DNAH6: variants seen among roughly 807,000 people sequenced by gnomAD.
The protein encoded by DNAH6 is dynein axonemal heavy chain 6.
DNAH6 carries 340 observed loss-of-function variants against 491.4 expected under a neutral mutation model. The observed-to-expected ratio is 0.69, with a 90% CI of 0.63 to 0.76. DNAH6 has a LOEUF of 0.76. DNAH6 is among the 30% of genes least tolerant of loss of function. DNAH6 has a pLI of 0.00. For missense variants in DNAH6, 4,443 were observed against 4,972.2 expected, an observed-to-expected ratio of 0.89 and a Z score of 3.20; for synonymous variants, 1,603 against 1,686.1, an observed-to-expected ratio of 0.95 and a Z score of 1.21.
intron 2 of DNAH6, among the ~76,000 whole-genome samples, chr2:84,520,748 T>C (rs1055129748): frequency 6.6e-6 from 1 of 152,124 alleles, no homozygotes; most frequent in Non-Finnish European, 1.5e-5. Context: ...GATCTTGTTC[T>C]TTTTTATGGC....
rs1676546871 is a variant in DNAH6 at position 84,525,689 on chromosome 2, C to T, written c.350C>T (p.Thr117Ile). Residue 117 changes from threonine to isoleucine, a missense_variant, in exon 3 of 77, where the codon ACA (threonine) becomes ATA (isoleucine). Thr to Ile is a moderately conservative substitution (Grantham distance 89, BLOSUM62 -1). This residue lies in a region of DNAH6 where 2,977 missense variants were observed against 3,296.6 expected (regional missense o/e 0.90). Coordinates refer to ENST00000389394, the MANE Select transcript of DNAH6 (RefSeq NM_001370.2). ...AGCATAGCAAAAAAAAGTTTTGCCA[C>T]ATCATCTACTCAGTTTCTTGAGCAT... ...PVSIAKKSFA[T>I]SSTQFLEHQD... The T allele has an allele frequency of 1.9e-6, 3 of 1,550,012 alleles. No homozygotes were observed. The highest frequency in any genetic ancestry group is 2.6e-6 in the Non-Finnish European group (3 of 1,146,140).
chr2:84,705,586 A>G lies in DNAH6; in HGVS notation c.8566A>G (p.Lys2856Glu). ...GAACATAAAGCCTCAGATATTGGCA[A>G]AGCTTCAAAAGTATATTAATAATCC... is the stretch of plus-strand genomic sequence containing the variant. The part of the protein sequence containing the change: ...KENIKPQILA[K>E]LQKYINNPDF... Residue 2856 changes from lysine (K) to glutamate (E), a missense_variant, in exon 52 of 77, where the codon AAG (lysine) becomes GAG (glutamate). This residue lies in a region of DNAH6 where 1,463 missense variants were observed against 1,656.6 expected (regional missense o/e 0.88). Coordinates refer to ENST00000389394, the MANE Select transcript of DNAH6 (RefSeq NM_001370.2). The G allele has an allele frequency of 6.4e-7, 1 of 1,551,686 alleles. No individual in the cohort carries two copies.
At chr2:84,513,281 A>G (rs959607589), upstream of DNAH6, among the ~76,000 whole-genome samples, 1 of 151,622 alleles carries the variant, frequency 6.6e-6, no homozygotes, top group African/African-American at 2.4e-5. Flanking sequence ...TAATATGGTA[A>G]CTCGGGAAAT....
At chr2:84,700,769 G>A (rs1347277173) in intron 48 of DNAH6, among the ~76,000 whole-genome samples, 1 of 152,208 alleles carries the variant, frequency 6.6e-6, no homozygotes, top group East Asian at 1.9e-4. Flanking sequence ...ACAGAGTGAG[G>A]ACGTAAGGTC....
intron 30 of DNAH6, among the ~76,000 whole-genome samples, chr2:84,635,862 G>A (rs1323737298): frequency 6.6e-6 from 1 of 152,068 alleles, no homozygotes; most frequent in Non-Finnish European, 1.5e-5. Context: ...TCCAGGCTGT[G>A]GCACATCACC....
At chr2:84,662,324 A>G (rs961949016) in intron 37 of DNAH6, among the ~76,000 whole-genome samples, 9 of 151,998 alleles carry the variant, frequency 5.9e-5, no homozygotes, top group Non-Finnish European at 1.0e-4. Flanking sequence ...CCCAGGAAGC[A>G]CAAGGGGTTG....
Position 84,518,147 on chromosome 2 carries a change from CAAAG to C in DNAH6, c.225+99_225+102del, listed in dbSNP as rs145942752. 2,076 of 859,270 alleles carry C rather than the reference CAAAG, an allele frequency of 2.4e-3. 31 individuals are homozygous for C. In the African/African-American group the frequency reaches 0.031, roughly 13 times the overall value. The allele number at this position is 859,270 out of a possible 1,614,324, so 53.2% of individuals were successfully genotyped here. On this transcript the variant is annotated intron_variant, in intron 2 of 76. Coordinates refer to ENST00000389394, the MANE Select transcript of DNAH6 (RefSeq NM_001370.2). ...AAGTCATGTCCAGACTCTGAACTGA[CAAAG>C]AAGGAATGAAAAGCTAAAAGATAAT...
At chr2:84,610,390 C>A (rs1227369537) in intron 21 of DNAH6, among the ~76,000 whole-genome samples, 1 of 152,148 alleles carries the variant, frequency 6.6e-6, no homozygotes, top group Non-Finnish European at 1.5e-5. Flanking sequence ...AGATGGCACC[C>A]ACACTCAAGG....
intron 4 of DNAH6, among the ~76,000 whole-genome samples, chr2:84,537,794 A>G (rs1005592901): frequency 2.0e-5 from 3 of 152,098 alleles, no homozygotes; most frequent in African/African-American, 7.2e-5. Context: ...TATTTCAATT[A>G]TATAAATTCA....
chr2:84,746,351 G>A (rs1443736791), intron 63 of DNAH6, among the ~76,000 whole-genome samples: 1 of 151,936 alleles, frequency 6.6e-6, no homozygotes, highest in Admixed American at 6.6e-5. Flanking sequence ...AGGATAAGGA[G>A]CCCATGAGAA....
rs189367356 is a variant in DNAH6, at chr2:84,654,987, C to G, written c.5757+205C>G. On this transcript the variant is annotated intron_variant, in intron 35 of 76. Coordinates refer to ENST00000389394, the MANE Select transcript of DNAH6 (RefSeq NM_001370.2). ...CTGTCCTCATTTCTTGTTACCCCAG[C>G]CTGCCAGCCTGCCTACTCACCCTGC... 1.9e-3 allele frequency among the ~76,000 whole-genome samples: 291 copies of G among 151,978 alleles called. 4 individuals are homozygous for G. Among genetic ancestry groups the G allele is most frequent in the Admixed American group, 0.016 (242 of 15,246 alleles).
In DNAH6 at chr2:84,694,315, G is replaced by A; in HGVS notation, c.7359G>A (p.Lys2453=). ...TTGTTGGAGTAGGAGGCACAGGAAA[G>A]CAGTCACTCACGAGACTTGCAGCTC... ...ALLVGVGGTG[K]QSLTRLAAHI... is the part of the protein sequence containing the mutation. Residue 2453 remains lysine, a synonymous_variant, in exon 46 of 77, where the codon AAG becomes AAA. Transcript: ENST00000389394. 6.4e-7 allele frequency: 1 copy of A among 1,552,338 alleles called. No individual in the cohort carries two copies. Among genetic ancestry groups the A allele is most frequent in the Non-Finnish European group, 8.7e-7 (1 of 1,147,134 alleles).
At chr2:84,479,584 A>G in the DNAH6 span, among the ~76,000 whole-genome samples, 1 of 152,250 alleles carries the variant, frequency 6.6e-6, no homozygotes, top group Non-Finnish European at 1.5e-5. Flanking sequence ...AGAACCAGAA[A>G]AAAGCAAGAT....
Position 84,604,365 on chromosome 2 carries a change from C to A in DNAH6, c.2895C>A (p.Asn965Lys). ...TTCCAGTTATCATTGACTTGAGGAA[C>A]CCGACTTTGAAGGCAAGACATTGGG... ...EKLPVIIDLR[N>K]PTLKARHWAA... The change falls in exon 19 of 77, where the codon AAC (asparagine) becomes AAA (lysine). Residue 965 changes from asparagine to lysine, a missense_variant. Coordinates refer to ENST00000389394, the MANE Select transcript of DNAH6 (RefSeq NM_001370.2). The A allele has an allele frequency of 1.3e-6, 2 of 1,552,112 alleles. No homozygotes were observed. The highest frequency in any genetic ancestry group is 1.7e-6 in the Non-Finnish European group (2 of 1,147,052).
intron 64 of DNAH6, among the ~76,000 whole-genome samples, chr2:84,766,368 C>G (rs1187826202): frequency 2.0e-5 from 3 of 152,138 alleles, no homozygotes; most frequent in Non-Finnish European, 4.4e-5. Context: ...GGGAATCTAT[C>G]TTAAAACATT....
intron 2 of DNAH6, among the ~76,000 whole-genome samples, chr2:84,520,581 C>T (rs1676044104): frequency 6.6e-6 from 1 of 152,064 alleles, no homozygotes; most frequent in Non-Finnish European, 1.5e-5. Flanking sequence ...CTCACACCCT[C>T]CTCCCTCAAG....
Position 84,551,554 on chromosome 2 carries a change from T to G in DNAH6, c.1486-1364T>G, listed in dbSNP as rs539791840. ...CTTGTAAATAATTTTCTATTATTGA[T>G]CACATTCCCACTATTTCAAATAATA... On this transcript the variant is annotated intron_variant, in intron 9 of 76. Coordinates refer to ENST00000389394, the MANE Select transcript of DNAH6 (RefSeq NM_001370.2). Among the ~76,000 whole-genome samples, 16 of 152,388 alleles carry G rather than the reference T, an allele frequency of 1.0e-4. No homozygotes were observed. The South Asian group carries it at 2.7e-3, about 26-fold the overall frequency.
chr2:84,569,727 G>A (rs2103908049), intron 11 of DNAH6, among the ~76,000 whole-genome samples: 1 of 152,144 alleles, frequency 6.6e-6, no homozygotes, highest in East Asian at 1.9e-4. Flanking sequence ...TATTCGCAAT[G>A]TTGAAACTAC....
At chr2:84,641,842 A>T (rs1479845862) in intron 32 of DNAH6, 105 bp from the exon 33 acceptor site, 1 of 849,412 alleles carries the variant, frequency 1.2e-6, no homozygotes, top group Non-Finnish European at 1.8e-6. Flanking sequence ...TTCTCCTTCT[A>T]ACAGGAATCC....
Sources: gnomAD v4.1 joint callset for allele counts (sites outside exome capture counted in the v4.1 genomes callset) on GRCh38, gnomAD v4.1.1 for gene constraint, gnomAD v4.1.1 regional missense constraint, MANE v1.5 for transcripts, NCBI Gene and HGNC (gene_info 2026-07-23, HGNC 2026-07-21) for gene names.